Variants in CYP7B1 observed in about 807,000 individuals in gnomAD.
CYP7B1 encodes the protein cytochrome P450 family 7 subfamily B member 1.
A neutral mutation model predicts 42.7 loss-of-function variants in CYP7B1; 29 were observed. The ratio of observed to expected loss-of-function variants is 0.68; its 90% CI spans 0.51 to 0.93. The LOEUF (loss-of-function observed/expected upper bound fraction) is 0.93, where lower values mean the gene tolerates loss of function less well. Among genes scored for constraint, CYP7B1 ranks in the 40% least tolerant of loss-of-function variants. The pLI is 0.00. For synonymous variants in CYP7B1, 235 were observed against 218.2 expected (o/e 1.08, Z -0.68); for missense variants, 655 against 600.5 (o/e 1.09, Z -0.95).
intron 3 of CYP7B1, among the ~76,000 whole-genome samples, 185 bp from the exon 4 acceptor site, chr8:64,615,417 TG>T (rs539356121): frequency 1.0e-3 from 93 of 93,102 alleles, no homozygotes; most frequent in Non-Finnish European, 1.8e-3. Flanking sequence ...GTAATGTGTA[TG>T]GGGGGGGCGG....
intron 1 of CYP7B1, among the ~76,000 whole-genome samples, chr8:64,795,144 T>C (rs1804685143): frequency 6.6e-6 from 1 of 152,136 alleles, no homozygotes; most frequent in Non-Finnish European, 1.5e-5. Context: ...CACAATTAAA[T>C]AGAATGAATG....
chr8:64,689,654 C>A (rs1292114148), intron 1 of CYP7B1, among the ~76,000 whole-genome samples: 2 of 152,110 alleles, frequency 1.3e-5, no homozygotes, highest in East Asian at 3.9e-4. Context: ...CAACCTTCAC[C>A]TCACAGGCTC....
At chr8:64,605,097 C>G (rs967960303) in intron 4 of CYP7B1, among the ~76,000 whole-genome samples, 9 of 152,086 alleles carry the variant, frequency 5.9e-5, no homozygotes, top group African/African-American at 2.2e-4. Flanking sequence ...CAGTGTTGTA[C>G]CTGGGCAGAA....
chr8:64,675,991 GT>G (rs1806440399), intron 1 of CYP7B1, among the ~76,000 whole-genome samples: 1 of 152,130 alleles, frequency 6.6e-6, no homozygotes, highest in Non-Finnish European at 1.5e-5. Flanking sequence ...GGGCCTGTGT[GT>G]TTCCTTTCTT....
chr8:64,629,882 C>T (rs759245225), intron 1 of CYP7B1, among the ~76,000 whole-genome samples: 11 of 151,970 alleles, frequency 7.2e-5, no homozygotes, highest in Non-Finnish European at 1.5e-4. Context: ...ATGGGAGATC[C>T]CAAAGGAGGA....
chr8:64,786,856 A>G (rs1804536544), intron 1 of CYP7B1, among the ~76,000 whole-genome samples: 1 of 152,224 alleles, frequency 6.6e-6, no homozygotes, highest in African/African-American at 2.4e-5. Flanking sequence ...CATCCTCTGT[A>G]ATCTAGGCAG....
chr8:64,691,485 G>A (rs983407261), intron 1 of CYP7B1, among the ~76,000 whole-genome samples: 2 of 149,260 alleles, frequency 1.3e-5, no homozygotes, highest in Admixed American at 6.7e-5. Context: ...TGGCAACTGG[G>A]GGGGGGGGGT....
intron 1 of CYP7B1, among the ~76,000 whole-genome samples, chr8:64,699,635 T>G (rs1055831580): frequency 2.0e-5 from 3 of 152,160 alleles, no homozygotes; most frequent in African/African-American, 7.2e-5. Context: ...TAATTTTTTA[T>G]TCTTCTACAA....
intron 1 of CYP7B1, among the ~76,000 whole-genome samples, chr8:64,777,091 T>A (rs1481563200): frequency 1.3e-5 from 2 of 149,892 alleles, no homozygotes; most frequent in Admixed American, 6.7e-5. Flanking sequence ...ATCTCAGCCA[T>A]GAGCTTAGCA....
intron 1 of CYP7B1, among the ~76,000 whole-genome samples, chr8:64,739,346 T>C (rs1807536040): frequency 2.0e-5 from 3 of 152,078 alleles, no homozygotes; most frequent in South Asian, 4.1e-4. Context: ...CTGGGAAGAG[T>C]AGAAAACACA....
chr8:64,718,488 G>T (rs867451679), intron 1 of CYP7B1, among the ~76,000 whole-genome samples: 3 of 152,178 alleles, frequency 2.0e-5, no homozygotes, highest in African/African-American at 4.8e-5. Flanking sequence ...GGGACATGCT[G>T]CCCTAGCCCC....
intron 1 of CYP7B1, among the ~76,000 whole-genome samples, chr8:64,678,881 CTGTG>C (rs56067911): frequency 2.5e-4 from 37 of 147,740 alleles, no homozygotes; most frequent in Admixed American, 1.6e-3. Flanking sequence ...AACATCAATG[CTGTG>C]TGTGTGTGTG....
chr8:64,617,145 G>C (rs919084397), intron 2 of CYP7B1, among the ~76,000 whole-genome samples: 3 of 152,304 alleles, frequency 2.0e-5, no homozygotes, highest in Non-Finnish European at 4.4e-5. Context: ...TTGAGGTGAT[G>C]ACATTTACCT....
At position 64,734,472 on chromosome 8, in the gene CYP7B1, A is replaced by G. The variant is rs960600742; in HGVS notation, c.122+63994T>C. Reference sequence around the variant, plus strand: ...AAAAGATGGAAGGGCAAAAAGGGAAACCAGGCCTACCTGGTTCTCAAGCCC... The same window carrying G: ...AAAAGATGGAAGGGCAAAAAGGGAAGCCAGGCCTACCTGGTTCTCAAGCCC... On this transcript the variant is annotated intron_variant, in intron 1 of 5. Coordinates refer to ENST00000310193, the MANE Select transcript of CYP7B1 (RefSeq NM_004820.5). The G allele has an allele frequency of 5.3e-5, 8 of 152,320 alleles. No homozygotes were observed. The East Asian group carries it at 1.3e-3, about 26-fold the overall frequency. The allele number at this position is 152,320 out of a possible 1,614,324, so 9.4% of individuals were successfully genotyped here. A position where few individuals can be genotyped will look rare whatever the true frequency, so the allele number is the denominator to read the frequency against.
intron 1 of CYP7B1, among the ~76,000 whole-genome samples, chr8:64,724,863 C>G (rs1024571558): frequency 2.6e-5 from 4 of 152,176 alleles, no homozygotes; most frequent in Non-Finnish European, 5.9e-5. Flanking sequence ...GGCAGTTCCC[C>G]TTTTCCCCAA....
At chr8:64,610,773 C>T (rs1331402733) in intron 4 of CYP7B1, among the ~76,000 whole-genome samples, 2 of 152,052 alleles carry the variant, frequency 1.3e-5, no homozygotes, top group Non-Finnish European at 2.9e-5. Context: ...TGGTCAAGGT[C>T]TCCAGTCCAT....
chr8:64,627,269 A>G (rs578118920), intron 1 of CYP7B1, among the ~76,000 whole-genome samples: 5 of 152,314 alleles, frequency 3.3e-5, no homozygotes, highest in African/African-American at 1.2e-4. Flanking sequence ...ATATAAGAAA[A>G]CCAAAAAAAC....
intron 1 of CYP7B1, among the ~76,000 whole-genome samples, chr8:64,671,376 T>TA (rs145548464): frequency 0.069 from 10,440 of 152,142 alleles, 438 homozygotes; most frequent in South Asian, 0.16. Context: ...TCATTATTTT[T>TA]AAAAAACCCA....
At chr8:64,658,772 T>C (rs1806159152) in intron 1 of CYP7B1, among the ~76,000 whole-genome samples, 1 of 152,162 alleles carries the variant, frequency 6.6e-6, no homozygotes, top group Non-Finnish European at 1.5e-5. Context: ...GGGTCAGTGG[T>C]CTCTTCTAGA....
Sources: gnomAD v4.1 joint callset for allele counts (sites outside exome capture counted in the v4.1 genomes callset) on GRCh38, gnomAD v4.1.1 for gene constraint, MANE v1.5 for transcripts, NCBI Gene and HGNC (gene_info 2026-07-23, HGNC 2026-07-21) for gene names.